The following COL6A5 variants were observed in gnomAD, a reference collection of about 807,000 sequenced individuals.
COL6A5 encodes the protein collagen type VI alpha 5 chain, also known as collagen alpha-5(VI) chain.
A neutral mutation model predicts 65.6 loss-of-function variants in COL6A5; 48 were observed. That is an observed-to-expected ratio of 0.73 (90% CI 0.58 to 0.93). The LOEUF (loss-of-function observed/expected upper bound fraction) is 0.93. Among genes scored for constraint, COL6A5 ranks in the 40% least tolerant of loss-of-function variants. COL6A5 has a pLI of 0.00. For missense variants in COL6A5, 914 were observed against 928.3 expected (o/e 0.98, Z 0.20); for synonymous variants, 291 against 322.8 (o/e 0.90, Z 1.05).
chr3:130,434,118 G>C (rs146876994), intron 1 of COL6A5, among the ~76,000 whole-genome samples: 1 of 152,238 alleles, frequency 6.6e-6, no homozygotes, highest in Non-Finnish European at 1.5e-5. Context: ...GCCCTGGTGT[G>C]TGTTGTTCCC....
intron 1 of COL6A5, among the ~76,000 whole-genome samples, chr3:130,355,648 C>T (rs760101506): frequency 6.6e-6 from 1 of 151,432 alleles, no homozygotes; most frequent in Non-Finnish European, 1.5e-5. Flanking sequence ...TACCCACACA[C>T]ATAAAGTTAA....
intron 2 of COL6A5, among the ~76,000 whole-genome samples, chr3:130,374,560 CCTT>C (rs1287537662): frequency 6.6e-6 from 1 of 152,044 alleles, no homozygotes; most frequent in Non-Finnish European, 1.5e-5. Flanking sequence ...CTCAAGCAAT[CCTT>C]CTGCCTCAGC....
intron 24 of COL6A5, among the ~76,000 whole-genome samples, chr3:130,417,791 T>TTAATGC (rs368676856): frequency 2.0e-5 from 3 of 152,190 alleles, no homozygotes; most frequent in African/African-American, 7.2e-5. Flanking sequence ...CCTGATGAGT[T>TTAATGC]TAATGCTCTG....
chr3:130,392,150 G>T (rs931621037), intron 7 of COL6A5, among the ~76,000 whole-genome samples: 5 of 152,200 alleles, frequency 3.3e-5, no homozygotes, highest in African/African-American at 1.2e-4. Context: ...CAAACGGAAA[G>T]TTTCATGGTT....
chr3:130,468,694 C>T, intron 5 of COL6A5, 101 bp from the exon 38 acceptor site: 1 of 763,110 alleles, frequency 1.3e-6, no homozygotes, highest in Non-Finnish European at 2.1e-6. Flanking sequence ...TATGGAAATG[C>T]AGCATGGTAA....
intron 1 of COL6A5, among the ~76,000 whole-genome samples, chr3:130,434,790 G>T (rs1056654872): frequency 3.3e-5 from 5 of 151,900 alleles, no homozygotes; most frequent in Non-Finnish European, 7.4e-5. Context: ...GGTTTTTTGG[G>T]TTTTTTTCTT....
At chr3:130,380,565 A>G (rs767124076) in intron 4 of COL6A5, among the ~76,000 whole-genome samples, 1 of 152,096 alleles carries the variant, frequency 6.6e-6, no homozygotes, top group African/African-American at 2.4e-5. Context: ...AGCCCTTTCT[A>G]TGATGCTGGA....
intron 5 of COL6A5, among the ~76,000 whole-genome samples, chr3:130,467,595 T>C (rs1484244090): frequency 2.0e-5 from 3 of 151,982 alleles, no homozygotes; most frequent in Admixed American, 1.3e-4. Flanking sequence ...AACAATAGAT[T>C]TGTAATGAGA....
Position 130,408,914 on chromosome 3 carries a change from A to G in COL6A5, c.4480-412A>G, listed in dbSNP as rs536521187. Among the ~76,000 whole-genome samples the G allele has an allele frequency of 2.0e-5, 3 of 152,312 alleles. No individual in the cohort carries two copies. In the South Asian group the frequency reaches 6.2e-4, roughly 32 times the overall value. Reference sequence around the variant, plus strand: ...TGCTAGACTGGCTAGGATGTCCAATACCATAGCCACTAACCACATGTGATT... The same window carrying G: ...TGCTAGACTGGCTAGGATGTCCAATGCCATAGCCACTAACCACATGTGATT... On this transcript the variant is annotated intron_variant and NMD_transcript_variant, in intron 17 of 41. Coordinates refer to the COL6A5 transcript ENST00000312481.
chr3:130,369,422 C>T (rs1188038466), intron 1 of COL6A5, among the ~76,000 whole-genome samples: 1 of 152,170 alleles, frequency 6.6e-6, no homozygotes, highest in Non-Finnish European at 1.5e-5. Flanking sequence ...GAGGCCTTTG[C>T]TATGCAGTTA....
chr3:130,472,858 T>TACACAC (rs1553760945), intron 7 of COL6A5, among the ~76,000 whole-genome samples: 2 of 141,868 alleles, frequency 1.4e-5, no homozygotes, highest in African/African-American at 5.2e-5. Context: ...TATATATATA[T>TACACAC]ACACATTTAT....
chr3:130,444,077 A>C (rs899382585), intron 4 of COL6A5, among the ~76,000 whole-genome samples: 1 of 152,154 alleles, frequency 6.6e-6, no homozygotes, highest in Non-Finnish European at 1.5e-5. Context: ...GAATTCAGCG[A>C]TATTTCTCCC....
intron 7 of COL6A5, among the ~76,000 whole-genome samples, chr3:130,476,603 T>C (rs1269453419): frequency 6.6e-6 from 1 of 152,074 alleles, no homozygotes; most frequent in Non-Finnish European, 1.5e-5. Context: ...TGTTTTGTTT[T>C]TTGAAGCTCT....
chr3:130,379,957 G>T (rs1257077164), exon 4 of COL6A5: 1 of 1,551,150 alleles, frequency 6.4e-7, no homozygotes, highest in African/African-American at 1.4e-5. Context: ...TGCAGACTTA[G>T]AAACTTACAG....
chr3:130,471,055 A>C (rs1709938881), intron 7 of COL6A5, 88 bp downstream of exon 39: 1 of 935,874 alleles, frequency 1.1e-6, no homozygotes, highest in African/African-American at 1.7e-5. Context: ...TTTAGTTTTC[A>C]AGATCCAAGT....
chr3:130,430,566 T>A (rs1030927572), upstream of COL6A5, among the ~76,000 whole-genome samples: 7 of 152,230 alleles, frequency 4.6e-5, no homozygotes, highest in African/African-American at 1.7e-4. Flanking sequence ...AAAGTGAGGT[T>A]TGATACATAG....
chr3:130,354,367 A>C (rs1244651875), intron 1 of COL6A5, among the ~76,000 whole-genome samples: 1 of 152,188 alleles, frequency 6.6e-6, no homozygotes, highest in Non-Finnish European at 1.5e-5. Flanking sequence ...ATTTCTATTA[A>C]ACAGCAGTGA....
upstream of COL6A5, among the ~76,000 whole-genome samples, chr3:130,426,795 T>G (rs1937613504): frequency 6.6e-6 from 1 of 150,660 alleles, no homozygotes; most frequent in African/African-American, 2.5e-5. Flanking sequence ...GATGTTTGCA[T>G]GGGGGTAACT....
chr3:130,394,415 G>T (rs1936513786), intron 7 of COL6A5, among the ~76,000 whole-genome samples: 1 of 152,154 alleles, frequency 6.6e-6, no homozygotes, highest in African/African-American at 2.4e-5. Flanking sequence ...GAATATTAAT[G>T]TTGTTAGTGT....
Sources: gnomAD v4.1 joint callset for allele counts (sites outside exome capture counted in the v4.1 genomes callset) on GRCh38, gnomAD v4.1.1 for gene constraint, MANE v1.5 for transcripts, NCBI Gene and HGNC (gene_info 2026-07-23, HGNC 2026-07-21) for gene names.